The following VAT1L variants were observed in gnomAD, a reference collection of about 807,000 sequenced individuals.
VAT1L encodes vesicle amine transport 1 like, also known as putative NADPH-dependent quinone oxidoreductase VAT1L.
A neutral mutation model predicts 44.1 loss-of-function variants in VAT1L; 34 were observed. The observed-to-expected ratio is 0.77, with a 90% CI of 0.59 to 1.03. VAT1L has a LOEUF of 1.03. VAT1L is among the 50% of genes least tolerant of loss of function. The probability of loss-of-function intolerance (pLI) is 0.00; values close to 1 mark genes in which losing one functional copy is unlikely to be tolerated. For synonymous variants in VAT1L, 253 were observed against 202.2 expected (o/e 1.25, Z -2.13); for missense variants, 615 against 538.8 (o/e 1.14, Z -1.40).
intron 3 of VAT1L, among the ~76,000 whole-genome samples, chr16:77,839,229 G>C (rs2016675236): frequency 6.6e-6 from 1 of 152,004 alleles, no homozygotes; most frequent in Non-Finnish European, 1.5e-5. Flanking sequence ...AAAGGATACA[G>C]TGTTTTAAGA....
chr16:77,874,080 AG>A (rs1014646327), intron 4 of VAT1L, among the ~76,000 whole-genome samples: 1 of 152,178 alleles, frequency 6.6e-6, no homozygotes, highest in African/African-American at 2.4e-5. Flanking sequence ...CCCGCCAAGT[AG>A]AATGCAGATG....
intron 3 of VAT1L, among the ~76,000 whole-genome samples, chr16:77,859,972 A>G (rs1483347145): frequency 6.6e-6 from 1 of 152,166 alleles, no homozygotes; most frequent in Non-Finnish European, 1.5e-5. Flanking sequence ...AGTTAAATTG[A>G]GGTCACTGGA....
chr16:77,923,693 G>C (rs1040299642), intron 7 of VAT1L, among the ~76,000 whole-genome samples: 1 of 152,172 alleles, frequency 6.6e-6, no homozygotes, highest in Non-Finnish European at 1.5e-5. Flanking sequence ...GATGGACAAA[G>C]GCTTCTCCCA....
At chr16:77,908,806 TG>T (rs941107568) in intron 7 of VAT1L, among the ~76,000 whole-genome samples, 15 of 151,736 alleles carry the variant, frequency 9.9e-5, no homozygotes, top group African/African-American at 3.6e-4. Context: ...CCCAGCTACT[TG>T]GGAGGCTGAG....
rs952926020 is a variant in VAT1L, at chr16:77,788,708, C to T, written c.26C>T (p.Ala9Val). 6.4e-6 allele frequency: 10 copies of T among 1,553,470 alleles called. No homozygotes were observed. The East Asian group carries it at 1.9e-4, about 30-fold the overall frequency. ...ATGGCCAAGGAAGGCGTGGAGAAGG[C>T]GGAGGAGACGGAGCAAATGATCGAG... The part of the protein sequence containing the change: MAKEGVEK[A>V]EETEQMIEKE... The change falls in exon 1 of 9, where the codon GCG becomes GTG. Residue 9 changes from alanine to valine, a missense_variant. Coordinates refer to ENST00000302536, the MANE Select transcript of VAT1L (RefSeq NM_020927.3).
intron 7 of VAT1L, among the ~76,000 whole-genome samples, chr16:77,896,847 C>T (rs988581155): frequency 1.3e-5 from 2 of 152,204 alleles, no homozygotes; most frequent in Non-Finnish European, 2.9e-5. Context: ...TTACGCCTGT[C>T]ATTCAGATGA....
intron 4 of VAT1L, among the ~76,000 whole-genome samples, chr16:77,876,043 G>A (rs887839580): frequency 5.3e-5 from 8 of 152,154 alleles, no homozygotes; most frequent in African/African-American, 1.9e-4. Flanking sequence ...ACTTTACGAA[G>A]GATAAAGCTG....
intron 7 of VAT1L, among the ~76,000 whole-genome samples, chr16:77,939,720 CAAAGGGTGA>C (rs1253378269): frequency 1.3e-5 from 2 of 152,100 alleles, no homozygotes; most frequent in Non-Finnish European, 2.9e-5. Flanking sequence ...TGAAGGAATA[CAAAGGGTGA>C]AAAATTCCTG....
chr16:77,969,428 G>A (rs1036039454), intron 7 of VAT1L, among the ~76,000 whole-genome samples: 1 of 151,846 alleles, frequency 6.6e-6, no homozygotes, highest in South Asian at 2.1e-4. Context: ...GTGGTCGTTG[G>A]CAGGATTCAG....
At chr16:77,906,994 G>A (rs1004899490) in intron 7 of VAT1L, among the ~76,000 whole-genome samples, 1 of 152,162 alleles carries the variant, frequency 6.6e-6, no homozygotes. Flanking sequence ...CTATGAAGTT[G>A]GTTACATCTT....
At chr16:77,805,768 AGT>A (rs913492144) in intron 1 of VAT1L, among the ~76,000 whole-genome samples, 16 of 151,718 alleles carry the variant, frequency 1.1e-4, no homozygotes, top group African/African-American at 3.9e-4. Context: ...AAAGCCCTGA[AGT>A]GTGATTTTTC....
chr16:77,931,759 A>T (rs777994953), intron 7 of VAT1L, among the ~76,000 whole-genome samples: 11 of 152,230 alleles, frequency 7.2e-5, no homozygotes, highest in Non-Finnish European at 1.2e-4. Context: ...CAGCTGGAAA[A>T]ATATATATTG....
intron 7 of VAT1L, among the ~76,000 whole-genome samples, chr16:77,935,613 G>C (rs147606450): frequency 1.1e-3 from 162 of 152,044 alleles, no homozygotes; most frequent in Non-Finnish European, 1.4e-3. Context: ...CAGAGACGGA[G>C]AGGGATGAGT....
chr16:77,858,597 T>C (rs546385749), intron 3 of VAT1L, among the ~76,000 whole-genome samples: 17 of 152,138 alleles, frequency 1.1e-4, no homozygotes, highest in Admixed American at 1.1e-3. Flanking sequence ...GAGGTGCCAA[T>C]ACGTTGCTCA....
chr16:77,913,823 A>G (rs610243), intron 7 of VAT1L, among the ~76,000 whole-genome samples: 24,947 of 152,186 alleles, frequency 0.16, 2,247 homozygotes, highest in African/African-American at 0.21. Flanking sequence ...TAGAATTAGG[A>G]CATAAAAATA....
At chr16:77,896,971 A>G (rs1200134138) in intron 7 of VAT1L, among the ~76,000 whole-genome samples, 2 of 152,238 alleles carry the variant, frequency 1.3e-5, no homozygotes, top group Non-Finnish European at 2.9e-5. Context: ...CAAAGACTGG[A>G]AAGTTTCTAT....
chr16:77,815,797 A>T (rs1020350186), intron 1 of VAT1L, among the ~76,000 whole-genome samples: 1 of 151,016 alleles, frequency 6.6e-6, no homozygotes, highest in Non-Finnish European at 1.5e-5. Context: ...GCGAAACCCC[A>T]TGTCTACTAA....
chr16:77,825,365 C>T lies in VAT1L; in HGVS notation c.483C>T (p.Phe161=), dbSNP rs774733709. ...DDMSFSEAAA[F]PMNFVTAYVM... Reference sequence around the variant, plus strand: ...TGAGCTTCTCCGAGGCTGCTGCATTCCCCATGAACTTCGTCACAGCCTATG... The same window carrying T: ...TGAGCTTCTCCGAGGCTGCTGCATTTCCCATGAACTTCGTCACAGCCTATG... Residue 161 remains phenylalanine (F), a synonymous_variant, in exon 3 of 9, where the codon TTC becomes TTT. Transcript: ENST00000302536. The T allele has an allele frequency of 1.9e-6, 3 of 1,614,160 alleles. No homozygotes were observed. In the South Asian group the frequency reaches 3.3e-5, roughly 18 times the overall value.
chr16:77,912,586 T>A (rs1022943212), intron 7 of VAT1L, among the ~76,000 whole-genome samples: 8 of 152,152 alleles, frequency 5.3e-5, no homozygotes, highest in Admixed American at 5.2e-4. Flanking sequence ...TACAATAGAA[T>A]GAAATTTTAA....
Sources: allele counts gnomAD v4.1 joint callset (sites outside exome capture counted in the v4.1 genomes callset), GRCh38; gene constraint gnomAD v4.1.1; transcripts MANE v1.5; gene names NCBI Gene and HGNC (gene_info 2026-07-23, HGNC 2026-07-21).